The following MCPH1 variants were observed in gnomAD, a reference collection of about 807,000 sequenced individuals.
MCPH1 encodes the protein microcephalin 1.
A neutral mutation model predicts 84.5 loss-of-function variants in MCPH1; 104 were observed. The ratio of observed to expected loss-of-function variants is 1.23; its 90% CI spans 1.05 to 1.45. The LOEUF is 1.45. Ranked by LOEUF, MCPH1 falls within the 40% of genes most tolerant of loss-of-function variation. MCPH1 has a pLI of 0.00. For missense variants in MCPH1, 1,498 were observed against 1,005.7 expected (o/e 1.49, Z -6.62); for synonymous variants, 514 against 366.8 (o/e 1.40, Z -4.58).
intron 12 of MCPH1, among the ~76,000 whole-genome samples, chr8:6,561,008 A>C (rs373361001): frequency 1.3e-5 from 2 of 152,214 alleles, no homozygotes; most frequent in African/African-American, 4.8e-5. Context: ...CTCTGTAACC[A>C]CGGTGGATGT....
intron 11 of MCPH1, among the ~76,000 whole-genome samples, chr8:6,487,419 C>T (rs1310277392): frequency 6.6e-6 from 1 of 152,208 alleles, no homozygotes; most frequent in Non-Finnish European, 1.5e-5. Context: ...TAAAGAAATG[C>T]TGAGCCGCTC....
chr8:6,606,754 A>G (rs1281539976), intron 12 of MCPH1, among the ~76,000 whole-genome samples: 2 of 152,218 alleles, frequency 1.3e-5, no homozygotes, highest in Admixed American at 6.5e-5. Context: ...GAGTTCCCAC[A>G]TGTTGTGGGA....
chr8:6,640,944 G>T (rs1797899533), intron 13 of MCPH1, among the ~76,000 whole-genome samples: 1 of 151,970 alleles, frequency 6.6e-6, no homozygotes, highest in East Asian at 1.9e-4. Flanking sequence ...ACATGGTATG[G>T]GTGTGTTTCT....
intron 12 of MCPH1, among the ~76,000 whole-genome samples, chr8:6,506,338 G>T (rs554835760): frequency 9.2e-5 from 14 of 151,920 alleles, no homozygotes; most frequent in Non-Finnish European, 1.5e-4. Flanking sequence ...CCTCTTCACA[G>T]GCAAGACCAC....
intron 8 of MCPH1, chr8:6,446,698 A>G: frequency 1.0e-6 from 1 of 985,290 alleles, no homozygotes; most frequent in Non-Finnish European, 1.2e-6. Flanking sequence ...TGAGGTTTAC[A>G]TTCTCCATCT....
At chr8:6,611,343 A>G (rs1292258884) in intron 12 of MCPH1, among the ~76,000 whole-genome samples, 1 of 152,170 alleles carries the variant, frequency 6.6e-6, no homozygotes, top group Non-Finnish European at 1.5e-5. Context: ...TCCCCGTTCT[A>G]ACTGACCAGC....
In MCPH1 at chr8:6,406,702, C is replaced by T. The variant is rs748935887; in HGVS notation, c.22+13C>T. On this transcript the variant is annotated intron_variant, in intron 1 of 13. Coordinates refer to ENST00000344683, the MANE Select transcript of MCPH1 (RefSeq NM_024596.5). ...CCCATCCTGAAAGGTGAGGTACTTCCTGCTGCCTGCTCCAGCAGCGGGAGT... is the reference window on the plus strand; with the variant it reads ...CCCATCCTGAAAGGTGAGGTACTTCTTGCTGCCTGCTCCAGCAGCGGGAGT... The T allele has an allele frequency of 6.2e-6, 10 of 1,611,888 alleles. No homozygotes were observed. The South Asian group carries it at 9.9e-5, about 16-fold the overall frequency.
At chr8:6,448,304 G>A (rs1202254414) in intron 8 of MCPH1, among the ~76,000 whole-genome samples, 2 of 152,238 alleles carry the variant, frequency 1.3e-5, no homozygotes, top group African/African-American at 4.8e-5. Context: ...GGAGGTAACA[G>A]CAGGAACAAA....
At chr8:6,443,672 G>A (rs1803841036) in intron 7 of MCPH1, among the ~76,000 whole-genome samples, 1 of 152,248 alleles carries the variant, frequency 6.6e-6, no homozygotes, top group Non-Finnish European at 1.5e-5. Flanking sequence ...ATGATGGTGT[G>A]TAGCAGAGGG....
chr8:6,471,549 T>C (rs1374188736), intron 9 of MCPH1, among the ~76,000 whole-genome samples: 1 of 152,192 alleles, frequency 6.6e-6, no homozygotes, highest in East Asian at 1.9e-4. Context: ...GGGTTCCTTA[T>C]GTATCCAGAA....
At chr8:6,553,661 C>CA (rs1281801045) in intron 12 of MCPH1, among the ~76,000 whole-genome samples, 2 of 144,864 alleles carry the variant, frequency 1.4e-5, no homozygotes, top group African/African-American at 5.7e-5. Flanking sequence ...GAAATGGTCT[C>CA]AAAATTTTTT....
intron 12 of MCPH1, among the ~76,000 whole-genome samples, chr8:6,504,662 A>C (rs1439632279): frequency 1.3e-5 from 2 of 152,186 alleles, no homozygotes; most frequent in African/African-American, 2.4e-5. Context: ...TGACTTAATA[A>C]GGAGAGAAAA....
intron 12 of MCPH1, chr8:6,620,032 G>A (rs1273608650): frequency 6.6e-6 from 1 of 152,214 alleles, no homozygotes; most frequent in Non-Finnish European, 1.5e-5. Context: ...ATTTGCCAAA[G>A]CAAATCTCTT....
chr8:6,595,788 G>C (rs1828882016), intron 12 of MCPH1, among the ~76,000 whole-genome samples: 1 of 152,154 alleles, frequency 6.6e-6, no homozygotes, highest in African/African-American at 2.4e-5. Context: ...AGAGCATCAG[G>C]GGCAAGAGTT....
chr8:6,634,286 CAA>C (rs1186531592), intron 13 of MCPH1, among the ~76,000 whole-genome samples: 2 of 152,186 alleles, frequency 1.3e-5, no homozygotes, highest in African/African-American at 4.8e-5. Context: ...ACATGGAATT[CAA>C]GTTTTAAAGC....
intron 11 of MCPH1, among the ~76,000 whole-genome samples, chr8:6,491,005 T>C (rs1457791561): frequency 1.3e-5 from 2 of 149,006 alleles, no homozygotes; most frequent in Non-Finnish European, 3.0e-5. Context: ...ATTAAATACT[T>C]AATATTAAAT....
intron 12 of MCPH1, among the ~76,000 whole-genome samples, chr8:6,549,592 C>T (rs904678686): frequency 6.6e-6 from 1 of 151,928 alleles, no homozygotes; most frequent in South Asian, 2.1e-4. Flanking sequence ...GGGAAGCCTT[C>T]TGCATCTTGA....
At chr8:6,518,245 C>G (rs1340726336) in intron 12 of MCPH1, among the ~76,000 whole-genome samples, 1 of 152,196 alleles carries the variant, frequency 6.6e-6, no homozygotes, top group Non-Finnish European at 1.5e-5. Context: ...TCTTGACACT[C>G]CTGTCCCCAG....
chr8:6,568,217 C>T (rs904446505), intron 12 of MCPH1, among the ~76,000 whole-genome samples: 6 of 150,272 alleles, frequency 4.0e-5, no homozygotes, highest in African/African-American at 1.5e-4. Flanking sequence ...TCCTGAGGAC[C>T]GTGGAAGTGG....
Sources: gnomAD v4.1 joint callset for allele counts (sites outside exome capture counted in the v4.1 genomes callset) on GRCh38, gnomAD v4.1.1 for gene constraint, MANE v1.5 for transcripts, NCBI Gene and HGNC (gene_info 2026-07-23, HGNC 2026-07-21) for gene names.